Variants in PCDHA5 observed in about 807,000 individuals in gnomAD.
The protein encoded by PCDHA5 is protocadherin alpha-5.
PCDHA5 carries 43 observed loss-of-function variants against 61.6 expected under a neutral mutation model. The observed-to-expected ratio is 0.70, with a 90% confidence interval of 0.55 to 0.90. PCDHA5 has a LOEUF of 0.90. Among genes scored for constraint, PCDHA5 ranks in the 40% least tolerant of loss-of-function variants. The probability of loss-of-function intolerance (pLI) is 0.00; values close to 1 mark genes in which losing one functional copy is unlikely to be tolerated. For missense variants in PCDHA5, 1,298 were observed against 1,222.7 expected, an observed-to-expected ratio of 1.06 and a Z score of -0.92; for synonymous variants, 627 against 543.9, an observed-to-expected ratio of 1.15 and a Z score of -2.13.
At chr5:140,882,667 C>A in intron 1 of PCDHA5, 1 of 1,614,160 alleles carries the variant, frequency 6.2e-7, no homozygotes, top group Middle Eastern at 1.6e-4. Flanking sequence ...CGCCCATATT[C>A]CCTGAAAGCA....
At chr5:140,908,530 T>G (rs1554193400) in intron 1 of PCDHA5, among the ~76,000 whole-genome samples, 1 of 152,148 alleles carries the variant, frequency 6.6e-6, no homozygotes, top group African/African-American at 2.4e-5. Flanking sequence ...AATGTTCAGT[T>G]TCCACCAAAG....
In PCDHA5 at chr5:140,828,703, A is replaced by C. The variant is rs1438120324; in HGVS notation, c.2352+4576A>C. The stretch of plus-strand genomic sequence containing the variant: ...TAAAGAAATCCTTGGACAGAGAGGA[A>C]GCTCCTGCACACAACTTATTCCTGA... On this transcript the variant is annotated intron_variant, in intron 1 of 3. Coordinates refer to ENST00000529859, the MANE Select transcript of PCDHA5 (RefSeq NM_018908.3). The C allele has an allele frequency of 1.3e-5, 21 of 1,614,248 alleles. 1 individual carries two copies. The African/African-American group carries it at 1.6e-4, about 12-fold the overall frequency.
intron 1 of PCDHA5, chr5:140,927,852 A>C: frequency 6.2e-7 from 1 of 1,614,218 alleles, no homozygotes; most frequent in Non-Finnish European, 8.5e-7. Flanking sequence ...TCTTTGGTTT[A>C]GCTAGCACCG....
In PCDHA5 at chr5:141,011,970, C is replaced by T. The variant is rs975637071; in HGVS notation, c.*2033C>T. ...AGCATTAAATTTAAAAAAAAACTGT[C>T]TTGTCTACTTTTAGCTTCATTCTCC... On this transcript the variant is annotated 3_prime_UTR_variant, in exon 4 of 4. Coordinates refer to ENST00000529859, the MANE Select transcript of PCDHA5 (RefSeq NM_018908.3). 6.5e-6 allele frequency: 1 copy of T among 153,576 alleles called. No homozygotes were observed. Among genetic ancestry groups the T allele is most frequent in the African/African-American group, 2.4e-5 (1 of 41,406 alleles). The allele number at this position is 153,576 out of a possible 1,614,324, so 9.5% of individuals were successfully genotyped here.
intron 3 of PCDHA5, among the ~76,000 whole-genome samples, chr5:140,984,759 T>C (rs2097119018): frequency 6.6e-6 from 1 of 152,184 alleles, no homozygotes; most frequent in Non-Finnish European, 1.5e-5. Context: ...AGTTGAATTC[T>C]AATCCCAAGC....
At position 140,822,047 on chromosome 5, in the gene PCDHA5, G is replaced by A; in HGVS notation, c.272G>A (p.Arg91Gln). ...GILFVNSRID[R>Q]EELCRRRAEC... The stretch of plus-strand genomic sequence containing the variant: ...TTGTTTGTGAATTCTCGGATCGACC[G>A]GGAGGAGCTGTGCCGGCGGAGGGCG... Residue 91 changes from arginine (R) to glutamine (Q), a missense_variant, in exon 1 of 4, where the codon CGG becomes CAG. Transcript: ENST00000529859. The A allele has an allele frequency of 1.9e-6, 3 of 1,614,218 alleles. No individual in the cohort carries two copies. The highest frequency in any genetic ancestry group is 2.5e-6 in the Non-Finnish European group (3 of 1,180,046).
chr5:140,942,995 G>A (rs933167090), intron 1 of PCDHA5, among the ~76,000 whole-genome samples: 7 of 152,042 alleles, frequency 4.6e-5, no homozygotes, highest in African/African-American at 1.2e-4. Context: ...GGTGGCTCAT[G>A]CCTGTAATCC....
intron 1 of PCDHA5, among the ~76,000 whole-genome samples, chr5:140,960,656 G>T (rs553083977): frequency 1.3e-5 from 2 of 152,218 alleles, no homozygotes; most frequent in Admixed American, 1.3e-4. Context: ...CCAAATCAAT[G>T]AATGCTTTGG....
Position 140,849,726 on chromosome 5 carries a change from A to G in PCDHA5, c.2352+25599A>G, listed in dbSNP as rs1554143227. 2.5e-6 allele frequency: 4 copies of G among 1,598,410 alleles called. 1 individual carries two copies. Among genetic ancestry groups the G allele is most frequent in the Non-Finnish European group, 3.4e-6 (4 of 1,168,000 alleles). On this transcript the variant is annotated intron_variant, in intron 1 of 3. Transcript: ENST00000529859. ...GAATTACTACTCGTTGGTGCTGGAC[A>G]GAGCTCTGGACCGCGAGAGTGTGTC...
At chr5:140,914,802 T>C (rs2076849351) in intron 1 of PCDHA5, among the ~76,000 whole-genome samples, 1 of 152,202 alleles carries the variant, frequency 6.6e-6, no homozygotes, top group African/African-American at 2.4e-5. Flanking sequence ...TTTAAACTGA[T>C]GGCAACTTAA....
At chr5:140,987,668 G>C (rs1262402590) in intron 3 of PCDHA5, among the ~76,000 whole-genome samples, 1 of 152,082 alleles carries the variant, frequency 6.6e-6, no homozygotes, top group Non-Finnish European at 1.5e-5. Context: ...GAACAATCAG[G>C]GTTTAGTAAA....
Position 140,824,370 on chromosome 5 carries a change from T to C in PCDHA5, c.2352+243T>C, listed in dbSNP as rs1768101933. 20 of 570,032 alleles carry C rather than the reference T, an allele frequency of 3.5e-5. No homozygotes were observed. In the South Asian group the frequency reaches 4.2e-4, roughly 12 times the overall value. The allele number at this position is 570,032 out of a possible 1,614,324, so 35.3% of individuals were successfully genotyped here. On this transcript the variant is annotated intron_variant, in intron 1 of 3. Coordinates refer to ENST00000529859, the MANE Select transcript of PCDHA5 (RefSeq NM_018908.3). ...ATAATATTTTATATTAGCATTTGAA[T>C]TTTGCATCTCTAAAAATGTAGGATA...
intron 1 of PCDHA5, chr5:140,869,761 C>T (rs782673770): frequency 6.2e-7 from 1 of 1,613,150 alleles, no homozygotes; most frequent in Non-Finnish European, 8.5e-7. Context: ...CGGGGGAAAA[C>T]CAGAGCTTAC....
intron 1 of PCDHA5, among the ~76,000 whole-genome samples, chr5:140,955,262 C>CT (rs1165777806): frequency 1.3e-5 from 2 of 152,044 alleles, no homozygotes; most frequent in African/African-American, 2.4e-5. Flanking sequence ...TATAAAGGCT[C>CT]TTTTTTGGTT....
At chr5:140,983,463 C>T (rs1554245464) in intron 3 of PCDHA5, among the ~76,000 whole-genome samples, 1 of 152,208 alleles carries the variant, frequency 6.6e-6, no homozygotes, top group Non-Finnish European at 1.5e-5. Flanking sequence ...AATAGAACAT[C>T]ATGATGATAA....
chr5:140,856,338 G>T lies in PCDHA5; in HGVS notation c.2352+32211G>T, dbSNP rs781903292. The T allele has an allele frequency of 3.9e-5, 62 of 1,598,498 alleles. 11 individuals are homozygous for T. In the Admixed American group the frequency reaches 1.0e-3, roughly 27 times the overall value. On this transcript the variant is annotated intron_variant, in intron 1 of 3. Coordinates refer to ENST00000529859, the MANE Select transcript of PCDHA5 (RefSeq NM_018908.3). ...ATTGACCGCGAGGAGCTGTGCGGGC[G>T]GAGCGTGGAGTGCAGCATCCACCTG...
At chr5:140,981,849 T>C (rs1460050544) in intron 2 of PCDHA5, among the ~76,000 whole-genome samples, 2 of 152,202 alleles carry the variant, frequency 1.3e-5, no homozygotes, top group African/African-American at 4.8e-5. Flanking sequence ...AGTTTGTATC[T>C]CACTCCCAGC....
chr5:140,834,530 G>C, intron 1 of PCDHA5: 1 of 1,614,068 alleles, frequency 6.2e-7, no homozygotes, highest in East Asian at 2.2e-5. Context: ...GCCGCATCGC[G>C]CAGGACCTGG....
chr5:140,863,258 G>A lies in PCDHA5; in HGVS notation c.2352+39131G>A, dbSNP rs1456133535. On this transcript the variant is annotated intron_variant, in intron 1 of 3. Transcript: ENST00000529859. The stretch of plus-strand genomic sequence containing the variant: ...CGGGCTTTGGCGGGCGTCGAGGTCC[G>A]GGAGGCAGCGCTGGTGGATGTCAAC... 8 of 1,445,594 alleles carry A rather than the reference G, an allele frequency of 5.5e-6. No homozygotes were observed. In the Admixed American group the frequency reaches 9.0e-5, roughly 16 times the overall value. The allele number at this position is 1,445,594 out of a possible 1,614,324, so 89.5% of individuals were successfully genotyped here.
Sources: gnomAD v4.1 joint callset for allele counts (sites outside exome capture counted in the v4.1 genomes callset) on GRCh38, gnomAD v4.1.1 for gene constraint, MANE v1.5 for transcripts, NCBI Gene and HGNC (gene_info 2026-07-23, HGNC 2026-07-21) for gene names.